The following ANKRD30A variants were observed in gnomAD, a reference collection of about 807,000 sequenced individuals.
ANKRD30A encodes ankyrin repeat domain 30A.
In ANKRD30A, 170 loss-of-function variants were observed where a neutral mutation model predicts 166.3. The ratio of observed to expected loss-of-function variants is 1.02; its 90% CI spans 0.90 to 1.16. ANKRD30A has a LOEUF of 1.16. Ranked by LOEUF, ANKRD30A falls within the 50% of genes most tolerant of loss-of-function variation. The probability of loss-of-function intolerance (pLI) is 0.00; values close to 1 mark genes in which losing one functional copy is unlikely to be tolerated. For synonymous variants in ANKRD30A, 564 were observed against 508.9 expected (o/e 1.11, Z -1.46); for missense variants, 1,630 against 1,518.0 (o/e 1.07, Z -1.23).
Position 37,166,606 on chromosome 10 carries a change from G to A in ANKRD30A, c.2066G>A (p.Ser689Asn), listed in dbSNP as rs1247874894. ...ATTTATTGCTATTACTTTTAACAGA[G>A]TCTCTGTGAGACTGTTTCACAGAAG... The part of the protein sequence containing the change: ...DYEENSWDTE[S>N]LCETVSQKDV... Residue 689 changes from serine to asparagine, a missense_variant and splice_region_variant, in exon 19 of 36, where the codon AGT becomes AAT. Transcript: ENST00000361713. 8 of 1,583,790 alleles carry A rather than the reference G, an allele frequency of 5.1e-6. No homozygotes were observed. The highest frequency in any genetic ancestry group is 1.8e-5 in the Admixed American group (1 of 54,424).
intron 5 of ANKRD30A, among the ~76,000 whole-genome samples, chr10:37,136,210 T>G (rs888269897): frequency 6.6e-6 from 1 of 152,218 alleles, no homozygotes; most frequent in Non-Finnish European, 1.5e-5. Context: ...GTTAGATCTT[T>G]ATAATAGTCT....
intron 31 of ANKRD30A, among the ~76,000 whole-genome samples, chr10:37,203,751 C>G (rs913110666): frequency 2.6e-5 from 4 of 152,054 alleles, no homozygotes; most frequent in Admixed American, 2.6e-4. Context: ...TGTCTCAGCC[C>G]GAAATCTTCT....
intron 27 of ANKRD30A, among the ~76,000 whole-genome samples, chr10:37,196,450 C>T (rs1841120930): frequency 1.3e-5 from 2 of 152,062 alleles, no homozygotes; most frequent in Admixed American, 1.3e-4. Context: ...GTAAAATTGC[C>T]ATTCCATAAA....
chr10:37,236,066 C>G (rs527458884), downstream of ANKRD30A, among the ~76,000 whole-genome samples: 1 of 152,254 alleles, frequency 6.6e-6, no homozygotes, highest in African/African-American at 2.4e-5. Context: ...CCGCGCCGGG[C>G]CTGATTTCAG....
intron 30 of ANKRD30A, 98 bp from the exon 31 acceptor site, chr10:37,201,137 G>A (rs941564437): frequency 2.0e-6 from 2 of 976,676 alleles, no homozygotes; most frequent in African/African-American, 1.8e-5. Flanking sequence ...TGCAAAATAG[G>A]ACTTTTTTTT....
chr10:37,158,596 G>A lies in ANKRD30A; in HGVS notation c.1900+10G>A. Reference sequence around the variant, plus strand: ...CAAACTTTCAAAGCAGGTAAATTTTGTAATTTTAATTTTACTCTGGAAAGG... The same window carrying A: ...CAAACTTTCAAAGCAGGTAAATTTTATAATTTTAATTTTACTCTGGAAAGG... On this transcript the variant is annotated intron_variant, in intron 15 of 35. Coordinates refer to ENST00000361713, the MANE Select transcript of ANKRD30A (RefSeq NM_052997.3). 6.2e-7 allele frequency: 1 copy of A among 1,611,554 alleles called. No homozygotes were observed. The highest frequency in any genetic ancestry group is 2.2e-5 in the East Asian group (1 of 44,764).
chr10:37,160,713 T>C (rs1055255858), intron 15 of ANKRD30A, among the ~76,000 whole-genome samples: 1 of 152,146 alleles, frequency 6.6e-6, no homozygotes, highest in African/African-American at 2.4e-5. Flanking sequence ...GCTCTCTTTT[T>C]CCCTAGAGAG....
the ANKRD30A span, among the ~76,000 whole-genome samples, chr10:37,245,481 T>A: frequency 3.7e-3 from 571 of 152,316 alleles, 3 homozygotes; most frequent in African/African-American, 0.013. Flanking sequence ...GGTATCCATA[T>A]CTTGTTGAAA....
At position 37,231,461 on chromosome 10, in the gene ANKRD30A, A is replaced by G; in HGVS notation, c.4186A>G (p.Asn1396Asp). 6.3e-7 allele frequency: 1 copy of G among 1,588,986 alleles called. No homozygotes were observed. The highest frequency in any genetic ancestry group is 8.6e-7 in the Non-Finnish European group (1 of 1,166,114). Reference protein sequence around the residue: ...QYEKEKAETENS With the variant: ...QYEKEKAETEDS ...CATTTTCCTTTTGCAATCTTCACAG[A>G]ACTCATGAGAGACAAGCAGTAAGAA... The change falls in exon 35 of 36, where the codon AAC becomes GAC. Residue 1396 changes from asparagine (N) to aspartate (D), a missense_variant and splice_region_variant. Around this residue, in one of 4 missense-constraint regions of ANKRD30A, gnomAD observed 712 missense variants for 629.3 expected, o/e 1.13. Coordinates refer to ENST00000361713, the MANE Select transcript of ANKRD30A (RefSeq NM_052997.3).
rs150332851 is a variant in ANKRD30A, at chr10:37,164,717, G to A, written c.2003-377G>A. ...GAGATTGCTGAGTCAATCAACGTAAGTAATACTACCAAGTAAAAAGTAACA... is the reference window on the plus strand; with the variant it reads ...GAGATTGCTGAGTCAATCAACGTAAATAATACTACCAAGTAAAAAGTAACA... On this transcript the variant is annotated intron_variant, in intron 17 of 35. Coordinates refer to ENST00000361713, the MANE Select transcript of ANKRD30A (RefSeq NM_052997.3). 5.2e-3 allele frequency among the ~76,000 whole-genome samples: 794 copies of A among 152,148 alleles called. 5 individuals carry two copies. The highest frequency in any genetic ancestry group is 6.6e-3 in the Non-Finnish European group (451 of 67,986).
chr10:37,260,135 C>CAAA, the ANKRD30A span, among the ~76,000 whole-genome samples: 7 of 143,542 alleles, frequency 4.9e-5, no homozygotes, highest in East Asian at 1.4e-3. Flanking sequence ...ATAAAAAGGA[C>CAAA]AAAAAAAAAA....
At chr10:37,129,103 C>G (rs1836228097) in intron 1 of ANKRD30A, among the ~76,000 whole-genome samples, 2 of 152,196 alleles carry the variant, frequency 1.3e-5, no homozygotes, top group South Asian at 4.2e-4. Flanking sequence ...TTTCAACTCT[C>G]CTTTTGCGTA....
rs376865408 is a variant in ANKRD30A at position 37,158,447 on chromosome 10, A to T, written c.1827+27A>T. On this transcript the variant is annotated intron_variant, in intron 14 of 35. Transcript: ENST00000361713. ...TAATAACTTTTATATTTTTGTCTTG[A>T]GTATCAACTACATATTTTATGAAGT... 5.0e-6 allele frequency: 8 copies of T among 1,612,536 alleles called. No homozygotes were observed. The Admixed American group carries it at 1.3e-4, about 27-fold the overall frequency.
At chr10:37,160,417 G>C (rs1006058992) in intron 15 of ANKRD30A, among the ~76,000 whole-genome samples, 7 of 152,192 alleles carry the variant, frequency 4.6e-5, no homozygotes, top group South Asian at 4.1e-4. Flanking sequence ...CAGTAAATAG[G>C]AGAAATAGGA....
At chr10:37,157,015 A>G (rs986212322) in intron 13 of ANKRD30A, among the ~76,000 whole-genome samples, 1 of 152,178 alleles carries the variant, frequency 6.6e-6, no homozygotes, top group Non-Finnish European at 1.5e-5. Flanking sequence ...GAAACAACAT[A>G]TATAGTTGAT....
chr10:37,179,040 A>ATATG (rs1564529135), intron 24 of ANKRD30A, among the ~76,000 whole-genome samples: 7 of 123,616 alleles, frequency 5.7e-5, no homozygotes, highest in African/African-American at 2.0e-4. Context: ...ATATATATAT[A>ATATG]TATATATATA....
At chr10:37,241,401 G>T in the ANKRD30A span, 2 of 151,238 alleles carry the variant, frequency 1.3e-5, no homozygotes, top group African/African-American at 4.8e-5. Flanking sequence ...TCTTAAAAAG[G>T]ATAATATTTT....
chr10:37,150,559 T>G (rs1355954794), intron 11 of ANKRD30A, among the ~76,000 whole-genome samples: 3 of 152,120 alleles, frequency 2.0e-5, no homozygotes, highest in Non-Finnish European at 2.9e-5. Flanking sequence ...GTGGTCATAT[T>G]TAATATGTAC....
intron 6 of ANKRD30A, among the ~76,000 whole-genome samples, chr10:37,137,696 G>A (rs529941477): frequency 6.6e-6 from 1 of 152,182 alleles, no homozygotes; most frequent in African/African-American, 2.4e-5. Flanking sequence ...TACCATTGCC[G>A]AGGCTTGAGT....
Sources: gnomAD v4.1 joint callset for allele counts (sites outside exome capture counted in the v4.1 genomes callset) on GRCh38, gnomAD v4.1.1 for gene constraint, gnomAD v4.1.1 regional missense constraint, MANE v1.5 for transcripts, NCBI Gene and HGNC (gene_info 2026-07-23, HGNC 2026-07-21) for gene names.